Variants in AP2B1 observed in about 807,000 individuals in gnomAD.
AP2B1 encodes adaptor related protein complex 2 subunit beta 1, also known as AP-2 complex subunit beta.
AP2B1 carries 23 observed loss-of-function variants against 102.0 expected under a neutral mutation model. That is an observed-to-expected ratio of 0.23 (90% CI 0.16 to 0.32). The LOEUF (loss-of-function observed/expected upper bound fraction) is 0.32, where lower values mean the gene tolerates loss of function less well. Ranked by LOEUF, AP2B1 falls within the 10% of genes least tolerant of loss-of-function variation. The pLI is 1.00. For missense variants in AP2B1, 541 were observed against 1,157.4 expected (o/e 0.47, Z 7.73); for synonymous variants, 381 against 421.2 (o/e 0.90, Z 1.17).
At chr17:35,720,545 T>TTTTATATATATATATA (rs1402145369) in intron 21 of AP2B1, among the ~76,000 whole-genome samples, 3 of 54,368 alleles carry the variant, frequency 5.5e-5, no homozygotes, top group African/African-American at 2.5e-4. Context: ...TTTATTTTAT[T>TTTTATATATATATATA]TATATATATA....
At chr17:35,599,337 T>A (rs1413479326) in intron 3 of AP2B1, among the ~76,000 whole-genome samples, 1 of 152,228 alleles carries the variant, frequency 6.6e-6, no homozygotes. Flanking sequence ...AGTGAACCTG[T>A]CACTTCAAGG....
chr17:35,602,048 A>G (rs910584814), intron 3 of AP2B1, among the ~76,000 whole-genome samples: 3 of 152,192 alleles, frequency 2.0e-5, no homozygotes, highest in African/African-American at 7.2e-5. Context: ...GGTTTTGCCA[A>G]GCTTATTTCT....
intron 2 of AP2B1, chr17:35,597,045 G>A: frequency 1.7e-6 from 1 of 587,864 alleles, no homozygotes; most frequent in Non-Finnish European, 3.1e-6. Context: ...CCCCGTTGTG[G>A]GGGCCGTGGC....
intron 18 of AP2B1, among the ~76,000 whole-genome samples, chr17:35,698,173 TAAG>T (rs2076176717): frequency 6.6e-6 from 1 of 152,212 alleles, no homozygotes; most frequent in Admixed American, 6.5e-5. Context: ...ATCGGTGTGA[TAAG>T]GAGTGAAAAG....
At chr17:35,607,397 G>A (rs1267675010) in intron 4 of AP2B1, among the ~76,000 whole-genome samples, 1 of 152,160 alleles carries the variant, frequency 6.6e-6, no homozygotes, top group East Asian at 1.9e-4. Context: ...GTAACAGTTT[G>A]TTCTCCATGA....
rs2075650853 is a variant in AP2B1 at position 35,674,191 on chromosome 17, G to A, written c.2194G>A (p.Val732Ile). 1.2e-6 allele frequency: 2 copies of A among 1,614,016 alleles called. No individual in the cohort carries two copies. The highest frequency in any genetic ancestry group is 1.1e-5 in the South Asian group (1 of 91,088). The change falls in exon 17 of 22, where the codon GTA (valine) becomes ATA (isoleucine). Residue 732 changes from valine to isoleucine, a missense_variant. Physicochemically the swap from Val to Ile is conservative, Grantham distance 29. Transcript: ENST00000610402. ...TGTGTTTCAGGTCTGGCTACCTGCA[G>A]TAAAGGCTAAAGGCTTGGAGATTTC... Reference protein sequence around the residue: ...VAPKAVWLPAVKAKGLEISGT... With the variant: ...VAPKAVWLPAIKAKGLEISGT...
At chr17:35,679,149 G>A (rs2075763444) in intron 17 of AP2B1, among the ~76,000 whole-genome samples, 1 of 152,158 alleles carries the variant, frequency 6.6e-6, no homozygotes. Flanking sequence ...CTATAGAAAA[G>A]GAAGCTAGGC....
chr17:35,597,139 C>T, intron 2 of AP2B1: 1 of 499,082 alleles, frequency 2.0e-6, no homozygotes, highest in South Asian at 1.9e-5. Context: ...ACTGTCCCCA[C>T]TGTTTCTATG....
At position 35,671,783 on chromosome 17, in the gene AP2B1, G is replaced by C. The variant is rs1049379; in HGVS notation, c.2061G>C (p.Val687=). ...AVGQSFIPSS[V]PATFAPSPTP... ...GACAATCCTTCATCCCATCATCGGT[G>C]CCTGCAACCTTTGCTCCTTCACCTA... Residue 687 remains valine, a synonymous_variant, in exon 16 of 22, where the codon GTG becomes GTC. Transcript: ENST00000610402. 796,444 of 1,612,704 alleles carry C rather than the reference G, an allele frequency of 0.49. 197,771 individuals are homozygous for C. The highest frequency in any genetic ancestry group is 0.51 in the East Asian group (22,753 of 44,818).
chr17:35,612,812 C>T (rs1217620247), intron 5 of AP2B1, among the ~76,000 whole-genome samples: 2 of 151,884 alleles, frequency 1.3e-5, no homozygotes, highest in African/African-American at 4.8e-5. Context: ...TGGCTCACGC[C>T]TGTCATCCCA....
intron 4 of AP2B1, among the ~76,000 whole-genome samples, chr17:35,606,898 T>G (rs937297782): frequency 3.3e-5 from 5 of 151,986 alleles, no homozygotes; most frequent in African/African-American, 1.2e-4. Flanking sequence ...ATGGGATCAT[T>G]CCCATTAATT....
At chr17:35,690,538 A>G (rs2076020706) in intron 18 of AP2B1, among the ~76,000 whole-genome samples, 1 of 152,212 alleles carries the variant, frequency 6.6e-6, no homozygotes, top group African/African-American at 2.4e-5. Context: ...AGTTTTGTGC[A>G]GGGCCTAGAG....
At chr17:35,662,796 C>T (rs1186430621) in intron 14 of AP2B1, among the ~76,000 whole-genome samples, 1 of 152,104 alleles carries the variant, frequency 6.6e-6, no homozygotes, top group African/African-American at 2.4e-5. Context: ...TAAATTACAG[C>T]CTTTTGTTCA....
intron 5 of AP2B1, among the ~76,000 whole-genome samples, chr17:35,619,266 A>G (rs966562496): frequency 2.6e-5 from 4 of 152,368 alleles, no homozygotes; most frequent in Non-Finnish European, 4.4e-5. Flanking sequence ...TAAATATTCA[A>G]TACATTTTAG....
In AP2B1 at chr17:35,723,726, A is replaced by G. The variant is rs782078327; in HGVS notation, c.*27A>G. On this transcript the variant is annotated 3_prime_UTR_variant, in exon 22 of 22. Coordinates refer to ENST00000610402, the MANE Select transcript of AP2B1 (RefSeq NM_001030006.2). Reference sequence around the variant, plus strand: ...AAGACTGGTCCAGTACCCTTCAACCATGCTGTGATCGGTGCAAGTCAAGAA... The same window carrying G: ...AAGACTGGTCCAGTACCCTTCAACCGTGCTGTGATCGGTGCAAGTCAAGAA... 3 of 1,502,582 alleles carry G rather than the reference A, an allele frequency of 2.0e-6. No homozygotes were observed. Among genetic ancestry groups the G allele is most frequent in the Non-Finnish European group, 2.8e-6 (3 of 1,078,998 alleles). The allele number at this position is 1,502,582 out of a possible 1,614,324, so 93.1% of individuals were successfully genotyped here. A position where few individuals can be genotyped will look rare whatever the true frequency, so the allele number is the denominator to read the frequency against.
At chr17:35,687,502 G>T (rs1823873653) in intron 18 of AP2B1, among the ~76,000 whole-genome samples, 1 of 151,890 alleles carries the variant, frequency 6.6e-6, no homozygotes, top group South Asian at 2.1e-4. Context: ...CATTTTTTCT[G>T]ACAGAACTAT....
chr17:35,640,745 G>A (rs998233585), intron 11 of AP2B1, among the ~76,000 whole-genome samples: 17 of 152,158 alleles, frequency 1.1e-4, no homozygotes, highest in African/African-American at 3.6e-4. Context: ...CTGGCAATCC[G>A]GAACCACACA....
chr17:35,635,245 G>C (rs1412137098), intron 9 of AP2B1, among the ~76,000 whole-genome samples: 1 of 152,090 alleles, frequency 6.6e-6, no homozygotes, highest in Non-Finnish European at 1.5e-5. Flanking sequence ...GTAGAGACGG[G>C]GTTTCACCAT....
intron 18 of AP2B1, among the ~76,000 whole-genome samples, chr17:35,693,766 C>T (rs2142999767): frequency 6.7e-6 from 1 of 149,690 alleles, no homozygotes; most frequent in South Asian, 2.1e-4. Context: ...CAGAACTTCT[C>T]GATTCCATAG....
Sources: allele counts gnomAD v4.1 joint callset (sites outside exome capture counted in the v4.1 genomes callset), GRCh38; gene constraint gnomAD v4.1.1; transcripts MANE v1.5; gene names NCBI Gene and HGNC (gene_info 2026-07-23, HGNC 2026-07-21).